Variants in GPC5 observed in about 807,000 individuals in gnomAD.
GPC5 encodes the protein glypican 5, also known as glypican-5.
GPC5 carries 47 observed loss-of-function variants against 53.9 expected under a neutral mutation model. The observed-to-expected ratio is 0.87, with a 90% CI of 0.69 to 1.11. The LOEUF (loss-of-function observed/expected upper bound fraction) is 1.11, where lower values mean the gene tolerates loss of function less well. GPC5 is among the 50% of genes most tolerant of loss of function. The pLI is 0.00. For synonymous variants in GPC5, 286 were observed against 263.3 expected, an observed-to-expected ratio of 1.09 and a Z score of -0.84; for missense variants, 748 against 713.1, an observed-to-expected ratio of 1.05 and a Z score of -0.56.
intron 2 of GPC5, among the ~76,000 whole-genome samples, chr13:91,524,765 C>T (rs1056054795): frequency 6.6e-6 from 1 of 152,128 alleles, no homozygotes; most frequent in Non-Finnish European, 1.5e-5. Flanking sequence ...ACATAATTCA[C>T]CCTTTCCCAA....
chr13:91,476,154 C>T (rs571423519), intron 2 of GPC5, among the ~76,000 whole-genome samples: 56 of 152,252 alleles, frequency 3.7e-4, no homozygotes, highest in African/African-American at 1.3e-3. Flanking sequence ...TAGGATGCTT[C>T]GCAGCATCTT....
intron 2 of GPC5, among the ~76,000 whole-genome samples, chr13:91,498,588 T>C (rs1884435974): frequency 6.6e-6 from 1 of 152,072 alleles, no homozygotes; most frequent in Non-Finnish European, 1.5e-5. Flanking sequence ...ATCTGGGAGA[T>C]CATCGTGTTT....
chr13:91,973,782 G>A (rs1047103107), intron 6 of GPC5, among the ~76,000 whole-genome samples: 1 of 152,260 alleles, frequency 6.6e-6, no homozygotes, highest in East Asian at 1.9e-4. Context: ...CAGAACAGCG[G>A]TGGCTGTAGA....
At chr13:91,854,688 C>T (rs1196012291) in intron 5 of GPC5, among the ~76,000 whole-genome samples, 10 of 151,702 alleles carry the variant, frequency 6.6e-5, no homozygotes, top group African/African-American at 1.9e-4. Flanking sequence ...TCCAATCACA[C>T]TAGAAATTAA....
chr13:92,742,436 G>GT (rs1282617927), intron 7 of GPC5, among the ~76,000 whole-genome samples: 15 of 151,946 alleles, frequency 9.9e-5, no homozygotes, highest in Non-Finnish European at 1.3e-4. Context: ...GGGGTTGTTT[G>GT]TTTTTTTCTT....
At chr13:92,542,845 T>A (rs1881974386) in intron 7 of GPC5, among the ~76,000 whole-genome samples, 1 of 152,096 alleles carries the variant, frequency 6.6e-6, no homozygotes, top group South Asian at 2.1e-4. Context: ...TGCTAAGGAA[T>A]CTGCTGTTAG....
intron 7 of GPC5, among the ~76,000 whole-genome samples, chr13:92,525,436 AAGTGTGTG>A (rs1176192817): frequency 2.1e-5 from 1 of 48,196 alleles, no homozygotes; most frequent in Non-Finnish European, 4.7e-5. Flanking sequence ...AGATAGATTC[AAGTGTGTG>A]TGTGTGTGTG....
intron 2 of GPC5, 102 bp from the exon 3 acceptor site, chr13:91,693,085 T>C: frequency 2.4e-6 from 2 of 818,098 alleles, no homozygotes; most frequent in Non-Finnish European, 3.9e-6. Context: ...ACAATTTAGA[T>C]ACTTAGATTA....
intron 7 of GPC5, among the ~76,000 whole-genome samples, chr13:92,153,657 G>A (rs546367478): frequency 4.6e-5 from 7 of 152,264 alleles, no homozygotes; most frequent in Non-Finnish European, 1.5e-5. Context: ...CAAAACAAAA[G>A]ATTATGTACA....
intron 7 of GPC5, among the ~76,000 whole-genome samples, chr13:92,474,635 T>TA (rs538436558): frequency 1.3e-3 from 187 of 143,562 alleles, no homozygotes; most frequent in Admixed American, 2.8e-3. Context: ...TTGTGATGGT[T>TA]AAAAAAAAAA....
chr13:92,456,095 C>T (rs372714767), intron 7 of GPC5, among the ~76,000 whole-genome samples: 2 of 152,184 alleles, frequency 1.3e-5, no homozygotes, highest in South Asian at 4.1e-4. Flanking sequence ...ACATTTTACA[C>T]TATGTAACTA....
intron 5 of GPC5, among the ~76,000 whole-genome samples, chr13:91,881,763 T>A (rs1264311651): frequency 1.3e-5 from 2 of 152,174 alleles, no homozygotes; most frequent in Non-Finnish European, 2.9e-5. Flanking sequence ...CAGGAATAAT[T>A]CTAAGGTAGC....
At chr13:92,237,964 C>T (rs1566498635) in intron 7 of GPC5, among the ~76,000 whole-genome samples, 1 of 151,912 alleles carries the variant, frequency 6.6e-6, no homozygotes, top group East Asian at 1.9e-4. Flanking sequence ...TTTCAAATTT[C>T]ATCCATGCTG....
At chr13:92,125,034 C>T (rs529544256) in intron 6 of GPC5, among the ~76,000 whole-genome samples, 18 of 152,082 alleles carry the variant, frequency 1.2e-4, no homozygotes, top group Admixed American at 9.8e-4. Flanking sequence ...TCTTGCTCAC[C>T]ACCCCCAACT....
intron 7 of GPC5, among the ~76,000 whole-genome samples, chr13:92,325,671 TAAA>T (rs1027341478): frequency 6.6e-6 from 1 of 151,980 alleles, no homozygotes; most frequent in Non-Finnish European, 1.5e-5. Context: ...TTCTTAGTAA[TAAA>T]AAAGAATGAG....
At chr13:91,405,803 C>T (rs1877281549) in intron 1 of GPC5, among the ~76,000 whole-genome samples, 1 of 152,204 alleles carries the variant, frequency 6.6e-6, no homozygotes, top group Non-Finnish European at 1.5e-5. Context: ...CAGGGTCTCA[C>T]TCTGTCACCC....
At chr13:92,737,766 C>CTTTTTTTTTTTTTTTTTTTTTTCT (rs33914729) in intron 7 of GPC5, among the ~76,000 whole-genome samples, 1 of 102,134 alleles carries the variant, frequency 9.8e-6, no homozygotes, top group Non-Finnish European at 1.8e-5. Flanking sequence ...TTTTCTTTTT[C>CTTTTTTTTTTTTTTTTTTTTTTCT]TTTTTTTTTT....
At chr13:92,503,544 A>T (rs533247392) in intron 7 of GPC5, among the ~76,000 whole-genome samples, 1 of 151,782 alleles carries the variant, frequency 6.6e-6, no homozygotes, top group South Asian at 2.1e-4. Flanking sequence ...TAAGAAAGTG[A>T]AAAGTAGAAA....
chr13:92,450,880 T>C (rs1471737959), intron 7 of GPC5, among the ~76,000 whole-genome samples: 1 of 152,194 alleles, frequency 6.6e-6, no homozygotes. Flanking sequence ...TTGTCATCTT[T>C]AAGATGGAAT....
Sources: gnomAD v4.1 joint callset for allele counts (sites outside exome capture counted in the v4.1 genomes callset) on GRCh38, gnomAD v4.1.1 for gene constraint, MANE v1.5 for transcripts, NCBI Gene and HGNC (gene_info 2026-07-23, HGNC 2026-07-21) for gene names.